The following IQGAP2 variants were observed in gnomAD, a reference collection of about 807,000 sequenced individuals.
IQGAP2 encodes ras GTPase-activating-like protein IQGAP2.
In IQGAP2, 173 loss-of-function variants were observed where a neutral mutation model predicts 201.3. The ratio of observed to expected loss-of-function variants is 0.86; its 90% confidence interval spans 0.76 to 0.98. The LOEUF (loss-of-function observed/expected upper bound fraction) is 0.98. IQGAP2 is among the 50% of genes least tolerant of loss of function. The pLI, the probability that IQGAP2 is intolerant of heterozygous loss-of-function variation, is 0.00. For synonymous variants in IQGAP2, 675 were observed against 673.9 expected (o/e 1.00, Z -0.03); for missense variants, 1,687 against 1,864.8 (o/e 0.90, Z 1.76).
chr5:76,597,238 G>A (rs752337540), intron 9 of IQGAP2: 22 of 586,944 alleles, frequency 3.7e-5, no homozygotes, highest in Non-Finnish European at 5.4e-5. Flanking sequence ...TAAGGTTCTT[G>A]TAGGCACTAA....
intron 2 of IQGAP2, among the ~76,000 whole-genome samples, chr5:76,473,217 G>A (rs557620053): frequency 2.6e-5 from 4 of 152,182 alleles, no homozygotes; most frequent in African/African-American, 9.6e-5. Flanking sequence ...TGGTTTTTAG[G>A]TTCTATATGG....
intron 1 of IQGAP2, among the ~76,000 whole-genome samples, chr5:76,415,072 T>C (rs1316506066): frequency 6.6e-6 from 1 of 152,232 alleles, no homozygotes; most frequent in Non-Finnish European, 1.5e-5. Flanking sequence ...TCTAGAAGGT[T>C]ATAATATCTT....
intron 23 of IQGAP2, among the ~76,000 whole-genome samples, chr5:76,670,063 A>T (rs114550938): frequency 0.013 from 1,976 of 152,056 alleles, 46 homozygotes; most frequent in African/African-American, 0.045. Context: ...CTTCAGGGGG[A>T]TAGGTCCCAG....
chr5:76,406,197 C>T (rs182173655), intron 1 of IQGAP2, among the ~76,000 whole-genome samples: 2 of 152,328 alleles, frequency 1.3e-5, no homozygotes, highest in East Asian at 3.9e-4. Context: ...ATAAATTGTA[C>T]TTGAGGGATT....
At chr5:76,592,494 A>T (rs965854380) in intron 8 of IQGAP2, among the ~76,000 whole-genome samples, 1 of 152,146 alleles carries the variant, frequency 6.6e-6, no homozygotes, top group Non-Finnish European at 1.5e-5. Flanking sequence ...AGGTATATTT[A>T]TTACTTGTGT....
intron 21 of IQGAP2, 85 bp downstream of exon 21, chr5:76,658,752 A>G (rs4704348): frequency 0.48 from 537,309 of 1,121,554 alleles, 133,001 homozygotes; most frequent in Middle Eastern, 0.52. Flanking sequence ...ACAGGGATAC[A>G]TTCTCAGAAA....
intron 17 of IQGAP2, among the ~76,000 whole-genome samples, chr5:76,641,973 A>G (rs1221894611): frequency 2.6e-5 from 4 of 152,176 alleles, no homozygotes; most frequent in Non-Finnish European, 5.9e-5. Context: ...CTTGCACATG[A>G]TAGGTGCTTA....
At chr5:76,495,370 T>G (rs1561414941) in intron 2 of IQGAP2, among the ~76,000 whole-genome samples, 1 of 152,146 alleles carries the variant, frequency 6.6e-6, no homozygotes. Context: ...TCATGATCAA[T>G]TTGGTCTATT....
intron 1 of IQGAP2, among the ~76,000 whole-genome samples, chr5:76,436,490 TA>T (rs1752663699): frequency 1.2e-4 from 2 of 16,916 alleles, no homozygotes; most frequent in African/African-American, 4.6e-4. Flanking sequence ...TATATATATA[TA>T]TATATATATA....
chr5:76,660,852 G>A (rs751322663), intron 21 of IQGAP2, among the ~76,000 whole-genome samples: 2 of 152,262 alleles, frequency 1.3e-5, no homozygotes, highest in South Asian at 2.1e-4. Context: ...AGTGGGAAAC[G>A]ACCTGAAGCC....
At chr5:76,439,813 A>G (rs1049560656) in intron 1 of IQGAP2, among the ~76,000 whole-genome samples, 13 of 152,108 alleles carry the variant, frequency 8.5e-5, no homozygotes, top group African/African-American at 2.9e-4. Flanking sequence ...TTGCCAATCT[A>G]TATCTTTTAA....
At chr5:76,444,031 G>A (rs1479851901) in intron 1 of IQGAP2, among the ~76,000 whole-genome samples, 11 of 152,030 alleles carry the variant, frequency 7.2e-5, no homozygotes, top group Non-Finnish European at 1.6e-4. Flanking sequence ...ATTGTAAAGT[G>A]TAATAGAAAT....
Position 76,436,493 on chromosome 5 carries a change from ATATATATATATATATATATATATATTTTT to A in IQGAP2, c.47-25075_47-25047del, listed in dbSNP as rs1752669804. 6.4e-4 allele frequency among the ~76,000 whole-genome samples: 11 copies of A among 17,126 alleles called. 1 individual carries two copies. The highest frequency in any genetic ancestry group is 2.1e-3 in the South Asian group (1 of 482). The allele number at this position is 17,126 out of a possible 152,430, so 11.2% of individuals were successfully genotyped here. On this transcript the variant is annotated intron_variant, in intron 1 of 35. Transcript: ENST00000274364. ...GAGATGATCATATATATATATATAT[ATATATATATATATATATATATATATTTTT>A]TTTTTTTTTTTTTTTTTTTTTTTTT...
In IQGAP2 at chr5:76,687,567, A is replaced by AAGG. The variant is rs1554086158; in HGVS notation, c.3905+3650_3905+3651insAGG. 2.6e-5 allele frequency among the ~76,000 whole-genome samples: 4 copies of AAGG among 152,136 alleles called. No individual in the cohort carries two copies. The East Asian group carries it at 7.8e-4, about 30-fold the overall frequency. On this transcript the variant is annotated intron_variant, in intron 30 of 35. Coordinates refer to ENST00000274364, the MANE Select transcript of IQGAP2 (RefSeq NM_006633.5). ...GTTAGGAACCAGGCGACACAGCAGGAGGGGAGCAAGTGAAGCTTCATCCTG... is the reference window on the plus strand; with the variant it reads ...GTTAGGAACCAGGCGACACAGCAGGAAGGGGGGAGCAAGTGAAGCTTCATCCTG...
At chr5:76,484,664 A>G (rs921160049) in intron 2 of IQGAP2, among the ~76,000 whole-genome samples, 3 of 152,180 alleles carry the variant, frequency 2.0e-5, no homozygotes, top group Admixed American at 6.5e-5. Flanking sequence ...AAAAAATTAA[A>G]AAAAGAAACG....
intron 1 of IQGAP2, among the ~76,000 whole-genome samples, chr5:76,454,789 A>C (rs1464743095): frequency 1.3e-5 from 2 of 152,016 alleles, no homozygotes; most frequent in African/African-American, 2.4e-5. Context: ...ATGATTTATA[A>C]TCCTTTGGGT....
rs950972227 is a variant in IQGAP2, at chr5:76,701,201, T to G, written c.4493T>G (p.Leu1498Arg). 9 of 1,614,052 alleles carry G rather than the reference T, an allele frequency of 5.6e-6. No individual in the cohort carries two copies. Among genetic ancestry groups the G allele is most frequent in the Non-Finnish European group, 7.6e-6 (9 of 1,179,976 alleles). Residue 1498 changes from leucine (L) to arginine (R), a missense_variant, in exon 34 of 36, where the codon CTT becomes CGT. Leu to Arg is a moderately radical substitution (Grantham distance 102). Transcript: ENST00000274364. ...GGTGTCCTGCTAGATATAGATGATC[T>G]TCAAACAAACCAGTAAGTGTGACCT... is the stretch of plus-strand genomic sequence containing the variant. ...EKGVLLDIDD[L>R]QTNQFKNVTF... is the part of the protein sequence containing the mutation.
intron 4 of IQGAP2, among the ~76,000 whole-genome samples, chr5:76,573,239 G>A (rs1374687623): frequency 1.3e-5 from 2 of 152,132 alleles, no homozygotes; most frequent in Non-Finnish European, 2.9e-5. Context: ...ATGTATTTAG[G>A]GCCAAACAAG....
chr5:76,588,381 G>A (rs1746394361), intron 5 of IQGAP2, among the ~76,000 whole-genome samples: 2 of 152,070 alleles, frequency 1.3e-5, no homozygotes, highest in Middle Eastern at 3.4e-3. Context: ...CTTCCACTTG[G>A]GTAATATACA....
Sources: allele counts gnomAD v4.1 joint callset (sites outside exome capture counted in the v4.1 genomes callset), GRCh38; gene constraint gnomAD v4.1.1; transcripts MANE v1.5; gene names NCBI Gene and HGNC (gene_info 2026-07-23, HGNC 2026-07-21).